IQCM: variants seen among roughly 807,000 people sequenced by gnomAD.
IQCM encodes IQ domain-containing protein M.
IQCM carries 45 observed loss-of-function variants against 57.6 expected under a neutral mutation model. The observed-to-expected ratio is 0.78, with a 90% CI of 0.62 to 1.00. The LOEUF is 1.00. Ranked by LOEUF, IQCM falls within the 50% of genes least tolerant of loss-of-function variation. The pLI, the probability that IQCM is intolerant of heterozygous loss-of-function variation, is 0.00. For missense variants in IQCM, 468 were observed against 511.6 expected, an observed-to-expected ratio of 0.91 and a Z score of 0.82; for synonymous variants, 148 against 158.9, an observed-to-expected ratio of 0.93 and a Z score of 0.51.
At chr4:149,519,182 G>T (rs1745322291) in intron 12 of IQCM, among the ~76,000 whole-genome samples, 2 of 152,194 alleles carry the variant, frequency 1.3e-5, no homozygotes, top group African/African-American at 4.8e-5. Flanking sequence ...ACAATATACA[G>T]TGTTACACAA....
intron 3 of IQCM, among the ~76,000 whole-genome samples, chr4:149,739,601 T>C (rs936234296): frequency 2.0e-5 from 3 of 152,082 alleles, no homozygotes; most frequent in African/African-American, 7.2e-5. Context: ...GTTAATAAAA[T>C]ATTTTCATAC....
intron 12 of IQCM, among the ~76,000 whole-genome samples, chr4:149,544,149 C>G (rs1748148352): frequency 6.6e-6 from 1 of 152,122 alleles, no homozygotes; most frequent in African/African-American, 2.4e-5. Flanking sequence ...TCCTTACCAT[C>G]TCTTCTCAAT....
chr4:149,791,384 A>G (rs527727639), intron 2 of IQCM, among the ~76,000 whole-genome samples: 21 of 152,338 alleles, frequency 1.4e-4, no homozygotes, highest in Non-Finnish European at 2.4e-4. Context: ...CCAAGTAATT[A>G]GGAGAGCTAT....
intron 12 of IQCM, among the ~76,000 whole-genome samples, chr4:149,469,378 T>C (rs1161438952): frequency 6.6e-6 from 1 of 152,090 alleles, no homozygotes; most frequent in African/African-American, 2.4e-5. Context: ...GTATCAGTGA[T>C]TGAAGATCAA....
chr4:149,669,058 C>A (rs1285706597), intron 7 of IQCM, among the ~76,000 whole-genome samples: 2 of 152,194 alleles, frequency 1.3e-5, no homozygotes, highest in African/African-American at 4.8e-5. Context: ...TAGAAGATGT[C>A]TTCCACAATG....
intron 3 of IQCM, among the ~76,000 whole-genome samples, chr4:149,740,650 T>C (rs1308150537): frequency 4.0e-5 from 6 of 149,916 alleles, no homozygotes; most frequent in Non-Finnish European, 5.9e-5. Flanking sequence ...CTTCATTAAT[T>C]TCATGTGCCT....
chr4:149,693,623 T>G (rs1377510527), intron 5 of IQCM, among the ~76,000 whole-genome samples: 1 of 152,224 alleles, frequency 6.6e-6, no homozygotes, highest in African/African-American at 2.4e-5. Flanking sequence ...TCCTCCATAC[T>G]TTCCATAAAT....
intron 7 of IQCM, among the ~76,000 whole-genome samples, chr4:149,655,486 A>AGAT (rs2150142137): frequency 6.6e-6 from 1 of 152,288 alleles, no homozygotes; most frequent in Non-Finnish European, 1.5e-5. Flanking sequence ...AGATCAGGCA[A>AGAT]GATGTGTTTT....
chr4:149,567,360 T>C (rs908670342), intron 9 of IQCM, among the ~76,000 whole-genome samples: 2 of 152,060 alleles, frequency 1.3e-5, no homozygotes, highest in African/African-American at 4.8e-5. Context: ...TTATTATCCT[T>C]TTTTGAGACA....
At chr4:149,626,872 A>G (rs1756859141) in intron 7 of IQCM, among the ~76,000 whole-genome samples, 1 of 152,088 alleles carries the variant, frequency 6.6e-6, no homozygotes, top group Non-Finnish European at 1.5e-5. Context: ...ATAATAATAT[A>G]CTCACCCCTC....
intron 7 of IQCM, among the ~76,000 whole-genome samples, chr4:149,622,793 C>T (rs2726771): frequency 0.21 from 32,280 of 151,990 alleles, 4,270 homozygotes; most frequent in Non-Finnish European, 0.28. Context: ...CAAAGAATTC[C>T]CCAGCTCATG....
intron 12 of IQCM, among the ~76,000 whole-genome samples, chr4:149,497,767 G>T (rs968929325): frequency 1.4e-5 from 2 of 146,014 alleles, no homozygotes; most frequent in African/African-American, 5.0e-5. Flanking sequence ...AAAAAAGGAA[G>T]AAAAAAAAGC....
intron 7 of IQCM, among the ~76,000 whole-genome samples, chr4:149,657,999 TG>T (rs1436058576): frequency 1.3e-5 from 2 of 152,116 alleles, no homozygotes; most frequent in African/African-American, 4.8e-5. Flanking sequence ...TTTGTTTTGC[TG>T]TGGAAAAGCT....
chr4:149,524,077 A>ATAACAATTTTATTTGGAAATCCAAG (rs1279398558), intron 12 of IQCM, among the ~76,000 whole-genome samples: 2 of 152,192 alleles, frequency 1.3e-5, no homozygotes, highest in East Asian at 3.9e-4. Flanking sequence ...GGAAATCCAA[A>ATAACAATTTTATTTGGAAATCCAAG]TAACAATTTT....
intron 12 of IQCM, among the ~76,000 whole-genome samples, chr4:149,439,165 C>A (rs1236273601): frequency 6.6e-6 from 1 of 151,946 alleles, no homozygotes; most frequent in South Asian, 2.1e-4. Flanking sequence ...AATCAAAATG[C>A]CATTTTAGAG....
intron 7 of IQCM, among the ~76,000 whole-genome samples, chr4:149,631,229 C>A (rs1020548693): frequency 3.3e-5 from 5 of 152,160 alleles, no homozygotes; most frequent in Non-Finnish European, 7.4e-5. Flanking sequence ...TGGGAGAGAA[C>A]TATCGGACTC....
chr4:149,362,263 T>A (rs1010791780), intron 13 of IQCM, among the ~76,000 whole-genome samples: 8 of 152,068 alleles, frequency 5.3e-5, no homozygotes, highest in Non-Finnish European at 1.2e-4. Context: ...GACTGTGGAC[T>A]TTTGGGTTAA....
At chr4:149,582,353 T>G (rs1431157637) in intron 9 of IQCM, among the ~76,000 whole-genome samples, 8 of 44,052 alleles carry the variant, frequency 1.8e-4, no homozygotes, top group African/African-American at 4.6e-4. Context: ...TATATATATA[T>G]ATATATATAT....
chr4:149,563,877 G>T lies in IQCM; in HGVS notation c.763C>A (p.Pro255Thr), dbSNP rs1750368067. ...PKSQPRIKGT[P>T]NKTDKLDSKV... ...CTGTCAAGTTTATCAGTTTTATTTG[G>T]AGTACCTTTTATCCTAAAAATAAAA... Residue 255 changes from proline (P) to threonine (T), a missense_variant, in exon 10 of 14, where the codon CCA becomes ACA. Coordinates refer to ENST00000636793, the MANE Select transcript of IQCM (RefSeq NM_001363507.2). 1.6e-6 allele frequency: 2 copies of T among 1,225,426 alleles called. No homozygotes were observed. The highest frequency in any genetic ancestry group is 8.3e-5 in the South Asian group (2 of 24,138). 75.9% of individuals were successfully genotyped at this position (1,225,426 alleles called of 1,614,324 possible).
Sources: gnomAD v4.1 joint callset for allele counts (sites outside exome capture counted in the v4.1 genomes callset) on GRCh38, gnomAD v4.1.1 for gene constraint, MANE v1.5 for transcripts, NCBI Gene and HGNC (gene_info 2026-07-23, HGNC 2026-07-21) for gene names.